Variants in NFILZ observed in about 807,000 individuals in gnomAD.
NFILZ encodes the protein NFIL3 like protein.
At chr19:8,653,038 T>TTC (rs1163296485) in intron 3 of NFILZ, among the ~76,000 whole-genome samples, 1 of 90,592 alleles carries the variant, frequency 1.1e-5, no homozygotes, top group African/African-American at 4.7e-5. Context: ...CTTTCTTTCT[T>TTC]TCTCTCTCTC....
At chr19:8,651,103 A>G (rs533603323) in intron 3 of NFILZ, among the ~76,000 whole-genome samples, 3 of 152,332 alleles carry the variant, frequency 2.0e-5, no homozygotes, top group South Asian at 4.1e-4. Context: ...CATTACCCCA[A>G]ACATTTATTT....
At chr19:8,656,445 C>CTCCCTGAAGCCCACCTTCTCCCT (rs1568421649) in intron 3 of NFILZ, among the ~76,000 whole-genome samples, 1 of 18,826 alleles carries the variant, frequency 5.3e-5, no homozygotes, top group African/African-American at 1.2e-4. Flanking sequence ...ACCTTCTCCT[C>CTCCCTGAAGCCCACCTTCTCCCT]GAAGCCCACC....
rs182399662 is a variant in NFILZ at position 8,679,132 on chromosome 19, G to T, written c.*1497G>T. Among the ~76,000 whole-genome samples, 2 of 150,896 alleles carry T rather than the reference G, an allele frequency of 1.3e-5. No individual in the cohort carries two copies. Among genetic ancestry groups the T allele is most frequent in the South Asian group, 2.1e-4 (1 of 4,782 alleles). On this transcript the variant is annotated 3_prime_UTR_variant, in exon 6 of 6. Transcript: ENST00000691075. Reference sequence around the variant, plus strand: ...ATCAGTGTCCTCTCTCTCCCTGGCTGCCCCCTGCCCCTGAGAACCAGGTAT... The same window carrying T: ...ATCAGTGTCCTCTCTCTCCCTGGCTTCCCCCTGCCCCTGAGAACCAGGTAT...
chr19:8,671,024 T>A (rs1298971894), intron 3 of NFILZ, among the ~76,000 whole-genome samples: 2 of 147,852 alleles, frequency 1.4e-5, no homozygotes, highest in African/African-American at 5.0e-5. Flanking sequence ...TTTCCAGACA[T>A]GGGAACCTCT....
chr19:8,678,102 C>CGTTCTTCCATCCACCCATTCATTAGTTT lies in NFILZ; in HGVS notation c.*467_*468insGTTCTTCCATCCACCCATTCATTAGTTT. Among the ~76,000 whole-genome samples, 5 of 138,958 alleles carry CGTTCTTCCATCCACCCATTCATTAGTTT rather than the reference C, an allele frequency of 3.6e-5. No individual in the cohort carries two copies. Among genetic ancestry groups the CGTTCTTCCATCCACCCATTCATTAGTTT allele is most frequent in the African/African-American group, 5.9e-5 (2 of 34,154 alleles). The allele number at this position is 138,958 out of a possible 152,430, so 91.2% of individuals were successfully genotyped here. ...AATCCATCCATCCATTCCATCCATC[C>CGTTCTTCCATCCACCCATTCATTAGTTT]ATCCATCCATCCATCCATCCATCCC... On this transcript the variant is annotated 3_prime_UTR_variant, in exon 6 of 6. Coordinates refer to ENST00000691075, the MANE Select transcript of NFILZ (RefSeq NM_001378600.1).
intron 3 of NFILZ, among the ~76,000 whole-genome samples, chr19:8,640,504 T>C (rs1021926759): frequency 5.9e-5 from 9 of 151,948 alleles, no homozygotes; most frequent in African/African-American, 2.2e-4. Context: ...CCGGGGCCAA[T>C]GGCTGTGAGC....
chr19:8,676,612 C>T (rs979700502), intron 5 of NFILZ, among the ~76,000 whole-genome samples, 139 bp from the exon 6 acceptor site: 2 of 152,178 alleles, frequency 1.3e-5, no homozygotes, highest in Non-Finnish European at 2.9e-5. Flanking sequence ...AGATGAAGAT[C>T]GAACCTTGGT....
intron 2 of NFILZ, among the ~76,000 whole-genome samples, 188 bp downstream of exon 2, chr19:8,632,813 C>T (rs1259986963): frequency 6.6e-6 from 1 of 151,608 alleles, no homozygotes. Flanking sequence ...ACCTCCGCCT[C>T]CCAGGTTCAA....
intron 3 of NFILZ, among the ~76,000 whole-genome samples, chr19:8,659,835 G>C (rs73505703): frequency 0.021 from 3,228 of 152,156 alleles, 103 homozygotes; most frequent in African/African-American, 0.074. Context: ...TTGGGGTGAG[G>C]GGGTGGAAAA....
chr19:8,667,826 G>A (rs1002885631), intron 3 of NFILZ, among the ~76,000 whole-genome samples: 7 of 152,056 alleles, frequency 4.6e-5, no homozygotes, highest in African/African-American at 1.4e-4. Context: ...GATTATAGGC[G>A]TGAGCCACAG....
At chr19:8,633,211 G>A (rs2042878683) in intron 2 of NFILZ, among the ~76,000 whole-genome samples, 3 of 151,700 alleles carry the variant, frequency 2.0e-5, no homozygotes, top group Admixed American at 1.3e-4. Context: ...CAGTCGAGAC[G>A]GGGTTTTACC....
At chr19:8,648,235 G>T (rs2042951038) in intron 3 of NFILZ, among the ~76,000 whole-genome samples, 1 of 150,838 alleles carries the variant, frequency 6.6e-6, no homozygotes, top group African/African-American at 2.4e-5. Context: ...TAGGCGATGG[G>T]TTGACAGGTG....
chr19:8,636,698 C>T (rs1181635630), intron 3 of NFILZ, among the ~76,000 whole-genome samples: 3 of 151,806 alleles, frequency 2.0e-5, no homozygotes, highest in Admixed American at 2.0e-4. Flanking sequence ...CTCAGGTGAT[C>T]AGCTTGCCTT....
chr19:8,652,140 T>C (rs1404804967), intron 3 of NFILZ, among the ~76,000 whole-genome samples: 1 of 150,960 alleles, frequency 6.6e-6, no homozygotes, highest in Non-Finnish European at 1.5e-5. Context: ...TCTTGCTCTG[T>C]CGCCGAGGCT....
chr19:8,674,149 ATT>A (rs2043100838), intron 3 of NFILZ, among the ~76,000 whole-genome samples: 2 of 152,054 alleles, frequency 1.3e-5, no homozygotes, highest in South Asian at 4.1e-4. Flanking sequence ...CTTATTTTTT[ATT>A]CTCCAAGCCC....
intron 3 of NFILZ, among the ~76,000 whole-genome samples, chr19:8,645,823 G>A (rs1459359804): frequency 1.3e-5 from 2 of 152,062 alleles, no homozygotes; most frequent in Admixed American, 6.6e-5. Flanking sequence ...GGTGAGGTCT[G>A]GTGGATGCCT....
chr19:8,668,832 A>G (rs1340840020), intron 3 of NFILZ, among the ~76,000 whole-genome samples: 1 of 152,140 alleles, frequency 6.6e-6, no homozygotes. Context: ...TCGAGTGGAT[A>G]GTCAATTTAC....
chr19:8,643,814 A>T (rs897075185), intron 3 of NFILZ, among the ~76,000 whole-genome samples: 16 of 152,228 alleles, frequency 1.1e-4, no homozygotes, highest in African/African-American at 3.9e-4. Context: ...CCCTGTAATT[A>T]TATAATCCTT....
intron 3 of NFILZ, among the ~76,000 whole-genome samples, chr19:8,669,640 C>A (rs1393872525): frequency 1.3e-5 from 2 of 152,188 alleles, no homozygotes; most frequent in Non-Finnish European, 2.9e-5. Flanking sequence ...CTCACTGAAA[C>A]AAGTGGAAGT....
Sources: allele counts gnomAD v4.1 joint callset (sites outside exome capture counted in the v4.1 genomes callset), GRCh38; gene constraint gnomAD v4.1.1; transcripts MANE v1.5; gene names NCBI Gene and HGNC (gene_info 2026-07-23, HGNC 2026-07-21).